Variants in FRMPD3 observed in about 807,000 individuals in gnomAD.
FRMPD3 encodes the protein FERM and PDZ domain-containing protein 3.
FRMPD3 carries 42 observed loss-of-function variants against 97.9 expected under a neutral mutation model. That is an observed-to-expected ratio of 0.43 (90% CI 0.34 to 0.55). The LOEUF (loss-of-function observed/expected upper bound fraction) is 0.55. Ranked by LOEUF, FRMPD3 falls within the 20% of genes least tolerant of loss-of-function variation. The pLI is 0.03. For synonymous variants in FRMPD3, 577 were observed against 581.1 expected (o/e 0.99, Z 0.10); for missense variants, 1,303 against 1,457.7 (o/e 0.89, Z 1.73).
intron 12 of FRMPD3, among the ~76,000 whole-genome samples, chrX:107,571,433 G>A (rs185390407): frequency 1.8e-5 from 2 of 111,950 alleles, no homozygotes; most frequent in Admixed American, 9.5e-5. Context: ...CTTTTACTGC[G>A]AGCTGCATTT....
chrX:107,453,742 A>G (rs1274481647), intron 1 of FRMPD3, among the ~76,000 whole-genome samples: 2 of 111,346 alleles, frequency 1.8e-5, no homozygotes, highest in Non-Finnish European at 3.8e-5. Flanking sequence ...AGGCAAGGAC[A>G]GTGATCTTGG....
intron 4 of FRMPD3, among the ~76,000 whole-genome samples, chrX:107,535,745 C>T (rs5962844): frequency 0.14 from 15,399 of 107,305 alleles, 2,651 homozygotes; most frequent in African/African-American, 0.48. Context: ...TCAACAATGA[C>T]ACAACGTATG....
At chrX:107,458,573 T>C (rs146827890) in intron 1 of FRMPD3, among the ~76,000 whole-genome samples, 43 of 111,416 alleles carry the variant, frequency 3.9e-4, no homozygotes, top group African/African-American at 1.4e-3. Flanking sequence ...GGTCAGGGTG[T>C]TATCAAGAAA....
chrX:107,587,910 G>T (rs1416754466), intron 13 of FRMPD3, among the ~76,000 whole-genome samples: 1 of 111,036 alleles, frequency 9.0e-6, no homozygotes, highest in Admixed American at 9.6e-5. Flanking sequence ...GAGTAGCTGG[G>T]AGTACAGGCA....
chrX:107,491,477 G>T (rs996300164), intron 1 of FRMPD3, among the ~76,000 whole-genome samples: 14 of 112,276 alleles, frequency 1.2e-4, no homozygotes, highest in African/African-American at 4.2e-4. Flanking sequence ...ATTACCCCAT[G>T]ACCTCACAGC....
chrX:107,538,608 T>G (rs1474199272), intron 4 of FRMPD3, among the ~76,000 whole-genome samples: 1 of 104,131 alleles, frequency 9.6e-6, no homozygotes, highest in Non-Finnish European at 2.0e-5. Context: ...TATTAATAGC[T>G]CCTACATTAT....
intron 1 of FRMPD3, among the ~76,000 whole-genome samples, chrX:107,507,404 A>C (rs1468788142): frequency 9.1e-6 from 1 of 110,401 alleles, no homozygotes; most frequent in Non-Finnish European, 1.9e-5. Context: ...GGGCGAGGGG[A>C]ATCAGAAGCT....
At position 107,560,860 on chromosome X, in the gene FRMPD3, A is replaced by G; in HGVS notation, c.1026+7A>G. 1 of 1,188,586 alleles carries G rather than the reference A, an allele frequency of 8.4e-7. No individual in the cohort carries two copies. Among genetic ancestry groups the G allele is most frequent in the Non-Finnish European group, 1.1e-6 (1 of 884,315 alleles). ...TCCTTCCTGCGGCACCAAGGTATCC[A>G]GAGTAGACCACTGGGCATGGTGCTC... is the stretch of plus-strand genomic sequence containing the variant. On this transcript the variant is annotated splice_region_variant and intron_variant, in intron 10 of 14. Transcript: ENST00000683843.
chrX:107,601,886 A>G lies in FRMPD3; in HGVS notation c.3847A>G (p.Ser1283Gly). The G allele has an allele frequency of 2.5e-6, 3 of 1,206,248 alleles. No individual in the cohort carries two copies. The East Asian group carries it at 8.9e-5, about 36-fold the overall frequency. ...CCGCTGCAGCTGCCAGCTCCGCAGCAGCCCTGTGCAGCAGGGGCCTGGCAT... is the reference window on the plus strand; with the variant it reads ...CCGCTGCAGCTGCCAGCTCCGCAGCGGCCCTGTGCAGCAGGGGCCTGGCAT... ...PGRCSCQLRS[S>G]PVQQGPGMSR... Residue 1283 changes from serine (S) to glycine (G), a missense_variant, in exon 15 of 15, where the codon AGC becomes GGC. Ser to Gly is a moderately conservative substitution (Grantham distance 56). Transcript: ENST00000683843.
At chrX:107,598,996 G>A (rs963139804) in intron 14 of FRMPD3, among the ~76,000 whole-genome samples, 1 of 111,908 alleles carries the variant, frequency 8.9e-6, no homozygotes, top group Admixed American at 9.5e-5. Context: ...AAGAGAGCTG[G>A]GCGTGGTGGC....
chrX:107,450,280 A>C (rs1167497571), intron 1 of FRMPD3, among the ~76,000 whole-genome samples: 4 of 110,815 alleles, frequency 3.6e-5, no homozygotes, highest in Non-Finnish European at 7.6e-5. Context: ...AGTCGAGCGC[A>C]GGGGAGTGCA....
intron 1 of FRMPD3, among the ~76,000 whole-genome samples, chrX:107,490,620 A>G (rs914711413): frequency 8.9e-6 from 1 of 111,772 alleles, no homozygotes; most frequent in African/African-American, 3.3e-5. Flanking sequence ...GAGTTCACTC[A>G]TGATTTGGCT....
intron 6 of FRMPD3, among the ~76,000 whole-genome samples, chrX:107,551,442 T>C (rs1200086914): frequency 1.8e-5 from 2 of 112,170 alleles, no homozygotes; most frequent in East Asian, 2.8e-4. Flanking sequence ...GGTATGTCCA[T>C]TGTGGACTCT....
chrX:107,511,494 G>T (rs1046829643), intron 1 of FRMPD3, among the ~76,000 whole-genome samples: 5 of 112,803 alleles, frequency 4.4e-5, no homozygotes, highest in Non-Finnish European at 9.4e-5. Context: ...GGAGTTTGAT[G>T]AGCATCAGGG....
chrX:107,534,559 T>G (rs1353280649), intron 4 of FRMPD3, among the ~76,000 whole-genome samples: 1 of 111,210 alleles, frequency 9.0e-6, no homozygotes, highest in Non-Finnish European at 1.9e-5. Context: ...GTGCACAGCA[T>G]GGGCTCACCA....
At chrX:107,452,437 A>G (rs7884005) in intron 1 of FRMPD3, among the ~76,000 whole-genome samples, 1 of 111,721 alleles carries the variant, frequency 9.0e-6, no homozygotes, top group Non-Finnish European at 1.9e-5. Flanking sequence ...CTGGCACCCA[A>G]CACCACAACC....
At chrX:107,537,614 G>A (rs1054972724) in intron 4 of FRMPD3, among the ~76,000 whole-genome samples, 4 of 111,615 alleles carry the variant, frequency 3.6e-5, no homozygotes, top group African/African-American at 1.3e-4. Context: ...GTTGATCTAC[G>A]TTTGTAAGGA....
intron 1 of FRMPD3, among the ~76,000 whole-genome samples, chrX:107,457,369 C>T (rs1350505883): frequency 1.8e-5 from 2 of 111,413 alleles, no homozygotes; most frequent in African/African-American, 6.5e-5. Context: ...AGCTCCAGGG[C>T]CTTGAGAGGG....
chrX:107,458,433 G>C (rs1298415157), intron 1 of FRMPD3, among the ~76,000 whole-genome samples: 1 of 112,192 alleles, frequency 8.9e-6, no homozygotes, highest in African/African-American at 3.2e-5. Flanking sequence ...AATGAGGGGA[G>C]AAGTCTTCCC....
Sources: gnomAD v4.1 joint callset for allele counts (sites outside exome capture counted in the v4.1 genomes callset) on GRCh38, gnomAD v4.1.1 for gene constraint, MANE v1.5 for transcripts, NCBI Gene and HGNC (gene_info 2026-07-23, HGNC 2026-07-21) for gene names.